Variants in MYO1D observed in about 807,000 individuals in gnomAD.
The protein encoded by MYO1D is myosin ID.
A neutral mutation model predicts 122.0 loss-of-function variants in MYO1D; 83 were observed. The observed-to-expected ratio is 0.68, with a 90% CI of 0.57 to 0.82. The LOEUF (loss-of-function observed/expected upper bound fraction) is 0.82. MYO1D is among the 40% of genes least tolerant of loss of function. The pLI, the probability that MYO1D is intolerant of heterozygous loss-of-function variation, is 0.00. For missense variants in MYO1D, 1,157 were observed against 1,269.5 expected (o/e 0.91, Z 1.35); for synonymous variants, 464 against 446.9 (o/e 1.04, Z -0.48).
chr17:32,494,983 G>C, intron 21 of MYO1D, 68 bp from the exon 22 acceptor site: 1 of 1,475,526 alleles, frequency 6.8e-7, no homozygotes, highest in Non-Finnish European at 9.1e-7. Flanking sequence ...CTGCCCGGCA[G>C]CTCCCGGCCA....
At chr17:32,610,224 C>A (rs1165683196) in intron 20 of MYO1D, among the ~76,000 whole-genome samples, 1 of 152,062 alleles carries the variant, frequency 6.6e-6, no homozygotes, top group Non-Finnish European at 1.5e-5. Context: ...CTGCTCTCGG[C>A]CACAACCCCC....
At chr17:32,688,699 G>C (rs527833645) in intron 16 of MYO1D, among the ~76,000 whole-genome samples, 1 of 152,314 alleles carries the variant, frequency 6.6e-6, no homozygotes, top group Admixed American at 6.5e-5. Context: ...CTCTGGGAAA[G>C]TCTAGTCTTA....
intron 20 of MYO1D, among the ~76,000 whole-genome samples, chr17:32,633,170 T>TAA (rs748018183): frequency 0.012 from 1,189 of 95,176 alleles, 9 homozygotes; most frequent in African/African-American, 0.036. Flanking sequence ...AAGACTAAAT[T>TAA]TAAAAAAAAA....
rs563520005 is a variant in MYO1D at position 32,772,470 on chromosome 17, A to G, written c.618+319T>C. 3.9e-5 allele frequency among the ~76,000 whole-genome samples: 6 copies of G among 152,354 alleles called. No homozygotes were observed. The South Asian group carries it at 1.0e-3, about 26-fold the overall frequency. On this transcript the variant is annotated intron_variant, in intron 5 of 21. Transcript: ENST00000318217. The stretch of plus-strand genomic sequence containing the variant: ...AAAATAAAACAAAAATTAATTTAAC[A>G]TTTAGAATGTACCATTTCAAAAGCT...
chr17:32,629,588 T>C (rs2087975664), intron 20 of MYO1D, among the ~76,000 whole-genome samples: 1 of 151,918 alleles, frequency 6.6e-6, no homozygotes, highest in African/African-American at 2.4e-5. Context: ...CAAAAAAAAT[T>C]AGCCAGGCGT....
chr17:32,582,715 T>C (rs928271694), intron 21 of MYO1D, among the ~76,000 whole-genome samples: 1 of 152,220 alleles, frequency 6.6e-6, no homozygotes, highest in Admixed American at 6.5e-5. Context: ...TGATTTTCTA[T>C]TGACTTGTTC....
intron 20 of MYO1D, among the ~76,000 whole-genome samples, chr17:32,612,686 A>G (rs2087716905): frequency 6.7e-6 from 1 of 148,856 alleles, no homozygotes; most frequent in Non-Finnish European, 1.5e-5. Flanking sequence ...CCATCTCAAA[A>G]AAAAAAAAAC....
chr17:32,603,469 T>C (rs913511098), intron 21 of MYO1D, among the ~76,000 whole-genome samples: 1 of 151,900 alleles, frequency 6.6e-6, no homozygotes. Flanking sequence ...ATTTGAGTTA[T>C]AGACATTTAT....
rs377732154 is a variant in MYO1D at position 32,808,474 on chromosome 17, C to T, written c.96-27690G>A. On this transcript the variant is annotated intron_variant, in intron 1 of 21. Coordinates refer to ENST00000318217, the MANE Select transcript of MYO1D (RefSeq NM_015194.3). Reference sequence around the variant, plus strand: ...ATGCAGTAAAAGTTTTCCCTCACAGCTTATCCCAGAACTTCCAGTGCTTTT... The same window carrying T: ...ATGCAGTAAAAGTTTTCCCTCACAGTTTATCCCAGAACTTCCAGTGCTTTT... Among the ~76,000 whole-genome samples the T allele has an allele frequency of 3.3e-5, 5 of 152,198 alleles. No homozygotes were observed. The South Asian group carries it at 1.0e-3, about 32-fold the overall frequency.
intron 4 of MYO1D, among the ~76,000 whole-genome samples, chr17:32,774,792 A>G (rs1486921378): frequency 2.0e-5 from 3 of 152,256 alleles, no homozygotes; most frequent in Admixed American, 2.0e-4. Flanking sequence ...TCCGACTTCA[A>G]TATAACAAAC....
rs531990963 is a variant in MYO1D, at chr17:32,559,408, G to A, written c.2864+45679C>T. 6.6e-5 allele frequency among the ~76,000 whole-genome samples: 10 copies of A among 152,232 alleles called. No homozygotes were observed. The East Asian group carries it at 7.7e-4, about 12-fold the overall frequency. ...AGACCATAATCTACTCTTGAAACTCGGAGCTGAGTCTCACTCAATCACTTG... is the reference window on the plus strand; with the variant it reads ...AGACCATAATCTACTCTTGAAACTCAGAGCTGAGTCTCACTCAATCACTTG... On this transcript the variant is annotated intron_variant, in intron 21 of 21. Transcript: ENST00000318217.
In MYO1D at chr17:32,631,267, A is replaced by C. The variant is rs189901164; in HGVS notation, c.2709+7455T>G. Among the ~76,000 whole-genome samples, 21 of 152,352 alleles carry C rather than the reference A, an allele frequency of 1.4e-4. No individual in the cohort carries two copies. The East Asian group carries it at 3.3e-3, about 24-fold the overall frequency. On this transcript the variant is annotated intron_variant, in intron 20 of 21. Coordinates refer to ENST00000318217, the MANE Select transcript of MYO1D (RefSeq NM_015194.3). The stretch of plus-strand genomic sequence containing the variant: ...ACCAGAGATGTAACTACCAAGTGCC[A>C]TATGATGGAATAATTTTACTTCTAC...
At chr17:32,545,703 C>G (rs2086960103) in intron 21 of MYO1D, among the ~76,000 whole-genome samples, 1 of 151,844 alleles carries the variant, frequency 6.6e-6, no homozygotes, top group Non-Finnish European at 1.5e-5. Flanking sequence ...TACATAACCT[C>G]TCAGCTTAAA....
At chr17:32,832,650 C>T (rs1020705746) in intron 1 of MYO1D, among the ~76,000 whole-genome samples, 3 of 152,080 alleles carry the variant, frequency 2.0e-5, no homozygotes, top group Admixed American at 1.3e-4. Context: ...TGTGAATACA[C>T]ATGAATGAGA....
chr17:32,873,180 T>A (rs2151094944), intron 1 of MYO1D, among the ~76,000 whole-genome samples: 1 of 152,230 alleles, frequency 6.6e-6, no homozygotes, highest in East Asian at 1.9e-4. Flanking sequence ...CATTTTTCCC[T>A]CTCTACAAAA....
At chr17:32,757,109 T>A (rs1477403772) in intron 10 of MYO1D, among the ~76,000 whole-genome samples, 1 of 152,222 alleles carries the variant, frequency 6.6e-6, no homozygotes, top group African/African-American at 2.4e-5. Context: ...AAGTGACTCA[T>A]GTATTCCCAT....
intron 21 of MYO1D, among the ~76,000 whole-genome samples, chr17:32,604,041 A>C (rs899232241): frequency 1.2e-4 from 18 of 152,210 alleles, no homozygotes; most frequent in African/African-American, 3.9e-4. Flanking sequence ...TGTAAGGTGT[A>C]ATAACATAAA....
At chr17:32,594,920 C>T (rs1042954097) in intron 21 of MYO1D, among the ~76,000 whole-genome samples, 1 of 152,096 alleles carries the variant, frequency 6.6e-6, no homozygotes, top group African/African-American at 2.4e-5. Flanking sequence ...CAAGGAGAGT[C>T]TGAAATTATT....
At chr17:32,783,996 G>C (rs2090266813) in intron 1 of MYO1D, among the ~76,000 whole-genome samples, 1 of 152,168 alleles carries the variant, frequency 6.6e-6, no homozygotes, top group Non-Finnish European at 1.5e-5. Context: ...AAAAGGAGTG[G>C]AGAACAGGAA....
Sources: gnomAD v4.1 joint callset for allele counts (sites outside exome capture counted in the v4.1 genomes callset) on GRCh38, gnomAD v4.1.1 for gene constraint, MANE v1.5 for transcripts, NCBI Gene and HGNC (gene_info 2026-07-23, HGNC 2026-07-21) for gene names.